OR2G3: variants seen among roughly 807,000 people sequenced by gnomAD.
OR2G3 encodes the protein olfactory receptor 2G3.
For missense variants in OR2G3, 375 were observed against 364.4 expected, an observed-to-expected ratio of 1.03 and a Z score of -0.24; for synonymous variants, 154 against 144.5, an observed-to-expected ratio of 1.07 and a Z score of -0.47.
In OR2G3 at chr1:247,605,729, C is replaced by T; in HGVS notation, c.144C>T (p.Ile48=). Reference sequence around the variant, plus strand: ...TGGGAAACTTCACCATAATCATCATCTCATATCTGGATCCCCCTCTTCATA... The same window carrying T: ...TGGGAAACTTCACCATAATCATCATTTCATATCTGGATCCCCCTCTTCATA... ...TLVGNFTIII[I]SYLDPPLHTP... Residue 48 remains isoleucine (I), a synonymous_variant, in exon 1 of 1, where the codon ATC becomes ATT. Coordinates refer to ENST00000320002, the MANE Select transcript of OR2G3 (RefSeq NM_001001914.1). 6.2e-7 allele frequency: 1 copy of T among 1,614,104 alleles called. No homozygotes were observed. Among genetic ancestry groups the T allele is most frequent in the Non-Finnish European group, 8.5e-7 (1 of 1,179,954 alleles).
Position 247,605,802 on chromosome 1 carries a change from T to G in OR2G3, c.217T>G (p.Phe73Val). Reference sequence around the variant, plus strand: ...CAACCTCTCTTTACTGGACATCTGCTTCACTACTAGCCTTGCTCCTCAGAC... The same window carrying G: ...CAACCTCTCTTTACTGGACATCTGCGTCACTACTAGCCTTGCTCCTCAGAC... The part of the protein sequence containing the change: ...LSNLSLLDIC[F>V]TTSLAPQTLV... Residue 73 changes from phenylalanine (F) to valine (V), a missense_variant, in exon 1 of 1, where the codon TTC becomes GTC. Transcript: ENST00000320002. 6.2e-7 allele frequency: 1 copy of G among 1,614,110 alleles called. No homozygotes were observed. The highest frequency in any genetic ancestry group is 8.5e-7 in the Non-Finnish European group (1 of 1,179,950).
rs1669376474 is a variant in OR2G3 at position 247,605,623 on chromosome 1, T to A, written c.38T>A (p.Ile13Asn). 6.2e-7 allele frequency: 1 copy of A among 1,613,188 alleles called. No individual in the cohort carries two copies. The highest frequency in any genetic ancestry group is 1.7e-5 in the Admixed American group (1 of 59,882). ...AATGAGAGTTCCCTAATGGATTTCA[T>A]CCTTCTAGGCTTCTCAGACCACCCT... is the stretch of plus-strand genomic sequence containing the variant. ...LGNESSLMDF[I>N]LLGFSDHPRL... The change falls in exon 1 of 1, where the codon ATC (isoleucine) becomes AAC (asparagine). Residue 13 changes from isoleucine (I) to asparagine (N), a missense_variant. Physicochemically the swap from Ile to Asn is moderately radical, Grantham distance 149. Transcript: ENST00000320002.
rs768075085 is a variant in OR2G3 at position 247,605,700 on chromosome 1, C to G, written c.115C>G (p.Leu39Val). ...TGTCCTTTTCTTCTACCTCCTGACC[C>G]TTGTGGGAAACTTCACCATAATCAT... ...VFVLFFYLLT[L>V]VGNFTIIIIS... The change falls in exon 1 of 1, where the codon CTT (leucine) becomes GTT (valine). Residue 39 changes from leucine to valine, a missense_variant. Physicochemically the swap from Leu to Val is conservative, Grantham distance 32 (BLOSUM62 1). Coordinates refer to ENST00000320002, the MANE Select transcript of OR2G3 (RefSeq NM_001001914.1). The G allele has an allele frequency of 1.2e-6, 2 of 1,613,930 alleles. No individual in the cohort carries two copies. Among genetic ancestry groups the G allele is most frequent in the East Asian group, 2.2e-5 (1 of 44,882 alleles).
Position 247,606,224 on chromosome 1 carries a change from C to A in OR2G3, c.639C>A (p.Leu213=). 1 of 1,614,224 alleles carries A rather than the reference C, an allele frequency of 6.2e-7. No individual in the cohort carries two copies. The highest frequency in any genetic ancestry group is 8.5e-7 in the Non-Finnish European group (1 of 1,180,050). Residue 213 remains leucine (L), a synonymous_variant, in exon 1 of 1, where the codon CTC becomes CTA. Coordinates refer to ENST00000320002, the MANE Select transcript of OR2G3 (RefSeq NM_001001914.1). ...TGTTTGTTGTCATTCCACCAGCACTCATCTCCATCTCCTATGGCTTCATAA... is the reference window on the plus strand; with the variant it reads ...TGTTTGTTGTCATTCCACCAGCACTAATCTCCATCTCCTATGGCTTCATAA... ...SVLFVVIPPA[L]ISISYGFITQ...
At position 247,606,401 on chromosome 1, in the gene OR2G3, G is replaced by T; in HGVS notation, c.816G>T (p.Lys272Asn). 1 of 1,613,700 alleles carries T rather than the reference G, an allele frequency of 6.2e-7. No individual in the cohort carries two copies. The highest frequency in any genetic ancestry group is 1.6e-4 in the Middle Eastern group (1 of 6,062). The part of the protein sequence containing the change: ...PSDSYAQDQG[K>N]FISLFYTMVT... Reference sequence around the variant, plus strand: ...ACAGCTATGCCCAGGACCAAGGGAAGTTTATCTCCCTCTTCTACACCATGG... The same window carrying T: ...ACAGCTATGCCCAGGACCAAGGGAATTTTATCTCCCTCTTCTACACCATGG... Residue 272 changes from lysine to asparagine, a missense_variant, in exon 1 of 1, where the codon AAG becomes AAT. Lys to Asn is a moderately conservative substitution (Grantham distance 94). Transcript: ENST00000320002.
At position 247,605,641 on chromosome 1, in the gene OR2G3, AC is replaced by A. The variant is rs559716432; in HGVS notation, c.58del (p.His20ThrfsTer18). On this transcript the variant is annotated frameshift_variant, in exon 1 of 1. Coordinates refer to ENST00000320002, the MANE Select transcript of OR2G3 (RefSeq NM_001001914.1). LOFTEE classifies it low-confidence loss of function (END_TRUNC). ...LMDFILLGFS[D>X]HPRLEAVLFV... ...GATTTCATCCTTCTAGGCTTCTCAGACCACCCTCGTCTGGAGGCTGTTCTCT... is the reference window on the plus strand; with the variant it reads ...GATTTCATCCTTCTAGGCTTCTCAGACACCCTCGTCTGGAGGCTGTTCTCT... 2 of 1,614,010 alleles carry A rather than the reference AC, an allele frequency of 1.2e-6. No homozygotes were observed. The highest frequency in any genetic ancestry group is 2.2e-5 in the South Asian group (2 of 91,062).
Position 247,606,437 on chromosome 1 carries a change from T to G in OR2G3, c.852T>G (p.Thr284=), listed in dbSNP as rs1669396315. 1 of 1,613,772 alleles carries G rather than the reference T, an allele frequency of 6.2e-7. No homozygotes were observed. Among genetic ancestry groups the G allele is most frequent in the Non-Finnish European group, 8.5e-7 (1 of 1,179,762 alleles). Residue 284 remains threonine, a synonymous_variant, in exon 1 of 1, where the codon ACT becomes ACG. Coordinates refer to ENST00000320002, the MANE Select transcript of OR2G3 (RefSeq NM_001001914.1). ...ISLFYTMVTP[T]LNPIIYTLRN... is the part of the protein sequence containing the mutation. ...TCTTCTACACCATGGTGACCCCCACTTTAAATCCTATCATCTATACTTTAA... is the reference window on the plus strand; with the variant it reads ...TCTTCTACACCATGGTGACCCCCACGTTAAATCCTATCATCTATACTTTAA...
In OR2G3 at chr1:247,605,625, C is replaced by T. The variant is rs776180136; in HGVS notation, c.40C>T (p.Leu14Phe). 6.2e-7 allele frequency: 1 copy of T among 1,613,350 alleles called. No individual in the cohort carries two copies. The highest frequency in any genetic ancestry group is 1.7e-5 in the Admixed American group (1 of 59,976). The part of the protein sequence containing the change: ...GNESSLMDFI[L>F]LGFSDHPRLE... The stretch of plus-strand genomic sequence containing the variant: ...TGAGAGTTCCCTAATGGATTTCATC[C>T]TTCTAGGCTTCTCAGACCACCCTCG... The change falls in exon 1 of 1, where the codon CTT becomes TTT. Residue 14 changes from leucine to phenylalanine, a missense_variant. Transcript: ENST00000320002.
At position 247,605,927 on chromosome 1, in the gene OR2G3, C is replaced by T; in HGVS notation, c.342C>T (p.Leu114=). The T allele has an allele frequency of 6.2e-7, 1 of 1,614,006 alleles. No individual in the cohort carries two copies. The highest frequency in any genetic ancestry group is 2.2e-5 in the East Asian group (1 of 44,880). The part of the protein sequence containing the change: ...SLALGSTECI[L]LADMALDRYI... ...CACTGGGCTCCACTGAATGTATCCT[C>T]TTGGCTGACATGGCCTTGGATCGGT... The change falls in exon 1 of 1, where the codon CTC becomes CTT. Residue 114 remains leucine (L), a synonymous_variant. Coordinates refer to ENST00000320002, the MANE Select transcript of OR2G3 (RefSeq NM_001001914.1).
In OR2G3 at chr1:247,606,398, G is replaced by T; in HGVS notation, c.813G>T (p.Gly271=). ...GTGACAGCTATGCCCAGGACCAAGG[G>T]AAGTTTATCTCCCTCTTCTACACCA... ...QPSDSYAQDQ[G]KFISLFYTMV... Residue 271 remains glycine, a synonymous_variant, in exon 1 of 1, where the codon GGG becomes GGT. Transcript: ENST00000320002. 1.2e-6 allele frequency: 2 copies of T among 1,613,884 alleles called. No homozygotes were observed. The highest frequency in any genetic ancestry group is 1.7e-6 in the Non-Finnish European group (2 of 1,179,874).
chr1:247,606,267 A>G lies in OR2G3; in HGVS notation c.682A>G (p.Ile228Val), dbSNP rs1350202228. Residue 228 changes from isoleucine to valine, a missense_variant, in exon 1 of 1, where the codon ATC becomes GTC. Physicochemically the swap from Ile to Val is conservative, Grantham distance 29 (BLOSUM62 3). Transcript: ENST00000320002. ...YGFITQAVLRIKSVEARHKAF... is the reference protein window; with the variant it reads ...YGFITQAVLRVKSVEARHKAF... Reference sequence around the variant, plus strand: ...CTTCATAACTCAAGCTGTGCTGAGGATCAAATCAGTAGAGGCAAGGCACAA... The same window carrying G: ...CTTCATAACTCAAGCTGTGCTGAGGGTCAAATCAGTAGAGGCAAGGCACAA... 6.2e-7 allele frequency: 1 copy of G among 1,614,162 alleles called. No homozygotes were observed. The highest frequency in any genetic ancestry group is 1.1e-5 in the South Asian group (1 of 91,080).
In OR2G3 at chr1:247,606,290, C is replaced by T. The variant is rs1151683; in HGVS notation, c.705C>T (p.His235=). 404,768 of 1,613,710 alleles carry T rather than the reference C, an allele frequency of 0.25. 53,009 individuals are homozygous for T. Among genetic ancestry groups the T allele is most frequent in the Admixed American group, 0.4 (24,217 of 59,968 alleles). Residue 235 remains histidine, a synonymous_variant, in exon 1 of 1, where the codon CAC becomes CAT. Coordinates refer to ENST00000320002, the MANE Select transcript of OR2G3 (RefSeq NM_001001914.1). The part of the protein sequence containing the change: ...VLRIKSVEAR[H]KAFSTCSSHL... ...GGATCAAATCAGTAGAGGCAAGGCA[C>T]AAAGCCTTCAGCACCTGCTCCTCCC...
chr1:247,606,344 C>G lies in OR2G3; in HGVS notation c.759C>G (p.Gly253=). ...TTACAGTGGTGATTATATTCTATGG[C>G]ACCATAATCTACGTGTACCTGCAAC... ...SHLTVVIIFY[G]TIIYVYLQPS... The change falls in exon 1 of 1, where the codon GGC becomes GGG. Residue 253 remains glycine (G), a synonymous_variant. Coordinates refer to ENST00000320002, the MANE Select transcript of OR2G3 (RefSeq NM_001001914.1). The G allele has an allele frequency of 6.2e-7, 1 of 1,614,152 alleles. No individual in the cohort carries two copies. Among genetic ancestry groups the G allele is most frequent in the Non-Finnish European group, 8.5e-7 (1 of 1,180,016 alleles).
At position 247,605,696 on chromosome 1, in the gene OR2G3, G is replaced by T. The variant is rs1160528664; in HGVS notation, c.111G>T (p.Leu37=). Residue 37 remains leucine, a synonymous_variant, in exon 1 of 1, where the codon CTG becomes CTT. Transcript: ENST00000320002. ...TATTTGTCCTTTTCTTCTACCTCCTGACCCTTGTGGGAAACTTCACCATAA... is the reference window on the plus strand; with the variant it reads ...TATTTGTCCTTTTCTTCTACCTCCTTACCCTTGTGGGAAACTTCACCATAA... ...LFVFVLFFYL[L]TLVGNFTIII... The T allele has an allele frequency of 6.2e-7, 1 of 1,613,812 alleles. No homozygotes were observed. Among genetic ancestry groups the T allele is most frequent in the Admixed American group, 1.7e-5 (1 of 60,024 alleles).
Position 247,606,505 on chromosome 1 carries a change from G to A in OR2G3, c.920G>A (p.Gly307Glu), listed in dbSNP as rs267598476. Residue 307 changes from glycine (G) to glutamate (E), a missense_variant, in exon 1 of 1, where the codon GGA becomes GAA. By Grantham distance (98) the Gly-to-Glu change is moderately conservative. Coordinates refer to ENST00000320002, the MANE Select transcript of OR2G3 (RefSeq NM_001001914.1). ...GAGGCTCTGAGGAAACTTCTCTCGG[G>A]AAAATTGTGATTCCTATGGACATGA... ...MKEALRKLLS[G>E]KL is the part of the protein sequence containing the mutation. The A allele has an allele frequency of 6.3e-7, 1 of 1,593,724 alleles. No homozygotes were observed. The highest frequency in any genetic ancestry group is 8.6e-7 in the Non-Finnish European group (1 of 1,169,534).
chr1:247,605,593 T>C lies in OR2G3; in HGVS notation c.8T>C (p.Leu3Ser), dbSNP rs1331915976. 3 of 1,605,008 alleles carry C rather than the reference T, an allele frequency of 1.9e-6. No individual in the cohort carries two copies. The East Asian group carries it at 6.7e-5, about 36-fold the overall frequency. Residue 3 changes from leucine (L) to serine (S), a missense_variant, in exon 1 of 1, where the codon TTG (leucine) becomes TCG (serine). Physicochemically the swap from Leu to Ser is moderately radical, Grantham distance 145. Transcript: ENST00000320002. MG[L>S]GNESSLMDFI... ...GCGGATCCCCCTGGAGGGATGGGATTGGGCAATGAGAGTTCCCTAATGGAT... is the reference window on the plus strand; with the variant it reads ...GCGGATCCCCCTGGAGGGATGGGATCGGGCAATGAGAGTTCCCTAATGGAT...
In OR2G3 at chr1:247,606,323, A is replaced by G; in HGVS notation, c.738A>G (p.Thr246=). 6.2e-7 allele frequency: 1 copy of G among 1,614,126 alleles called. No homozygotes were observed. The highest frequency in any genetic ancestry group is 8.5e-7 in the Non-Finnish European group (1 of 1,180,006). Residue 246 remains threonine (T), a synonymous_variant, in exon 1 of 1, where the codon ACA becomes ACG. Transcript: ENST00000320002. ...TCAGCACCTGCTCCTCCCACCTTACAGTGGTGATTATATTCTATGGCACCA... is the reference window on the plus strand; with the variant it reads ...TCAGCACCTGCTCCTCCCACCTTACGGTGGTGATTATATTCTATGGCACCA... ...KAFSTCSSHL[T]VVIIFYGTII... is the part of the protein sequence containing the mutation.
chr1:247,606,187 T>C lies in OR2G3; in HGVS notation c.602T>C (p.Val201Ala). The stretch of plus-strand genomic sequence containing the variant: ...ACTGTCAATGAATTGGTGCTTTTTG[T>C]TGTTAGTGTTCTGTTTGTTGTCATT... ...DTTVNELVLF[V>A]VSVLFVVIPP... The change falls in exon 1 of 1, where the codon GTT becomes GCT. Residue 201 changes from valine to alanine, a missense_variant. Val to Ala is a moderately conservative substitution (Grantham distance 64, BLOSUM62 0). Transcript: ENST00000320002. 6.2e-7 allele frequency: 1 copy of C among 1,614,234 alleles called. No homozygotes were observed. The highest frequency in any genetic ancestry group is 1.1e-5 in the South Asian group (1 of 91,090).
At position 247,606,196 on chromosome 1, in the gene OR2G3, T is replaced by C. The variant is rs1443283782; in HGVS notation, c.611T>C (p.Val204Ala). ...VNELVLFVVS[V>A]LFVVIPPALI... ...GAATTGGTGCTTTTTGTTGTTAGTG[T>C]TCTGTTTGTTGTCATTCCACCAGCA... The change falls in exon 1 of 1, where the codon GTT becomes GCT. Residue 204 changes from valine (V) to alanine (A), a missense_variant. Coordinates refer to ENST00000320002, the MANE Select transcript of OR2G3 (RefSeq NM_001001914.1). The C allele has an allele frequency of 1.9e-6, 3 of 1,614,220 alleles. No individual in the cohort carries two copies. The East Asian group carries it at 6.7e-5, about 36-fold the overall frequency.
Sources: gnomAD v4.1 joint callset for allele counts on GRCh38, gnomAD v4.1.1 for gene constraint, MANE v1.5 for transcripts, NCBI Gene and HGNC (gene_info 2026-07-23, HGNC 2026-07-21) for gene names.